The following ACOT1 variants were observed in gnomAD, a reference collection of about 807,000 sequenced individuals.
ACOT1 encodes acyl-coenzyme A thioesterase 1.
ACOT1 carries 8 observed loss-of-function variants against 15.7 expected under a neutral mutation model. The observed-to-expected ratio is 0.51, with a 90% CI of 0.30 to 0.92. ACOT1 has a LOEUF of 0.92. Ranked by LOEUF, ACOT1 falls within the 40% of genes least tolerant of loss-of-function variation. ACOT1 has a pLI of 0.06. For synonymous variants in ACOT1, 67 were observed against 241.2 expected (o/e 0.28, Z 6.69); for missense variants, 151 against 539.4 (o/e 0.28, Z 7.13).
Position 73,537,599 on chromosome 14 carries a change from C to G in ACOT1, c.178C>G (p.Leu60Val). 8.2e-7 allele frequency: 1 copy of G among 1,222,410 alleles called. No homozygotes were observed. Among genetic ancestry groups the G allele is most frequent in the Non-Finnish European group, 1.1e-6 (1 of 929,864 alleles). 75.7% of individuals were successfully genotyped at this position (1,222,410 alleles called of 1,614,324 possible). A position where few individuals can be genotyped will look rare whatever the true frequency, so the allele number is the denominator to read the frequency against. ...CTACCGCGCCGACACCCTTGGCGAG[C>G]TGGACCTGGAGCGCGCGCCCGCGCT... ...ARYRADTLGE[L>V]DLERAPALGG... The change falls in exon 1 of 3, where the codon CTG becomes GTG. Residue 60 changes from leucine to valine, a missense_variant. Leu to Val is a conservative substitution (Grantham distance 32, BLOSUM62 1). Coordinates refer to ENST00000311148, the MANE Select transcript of ACOT1 (RefSeq NM_001037161.2).
rs1340306606 is a variant in ACOT1, at chr14:73,537,471, A to C, written c.50A>C (p.Glu17Ala). The C allele has an allele frequency of 8.1e-7, 1 of 1,228,320 alleles. No homozygotes were observed. Among genetic ancestry groups the C allele is most frequent in the African/African-American group, 1.5e-5 (1 of 65,078 alleles). 76.1% of individuals were successfully genotyped at this position (1,228,320 alleles called of 1,614,324 possible). A position where few individuals can be genotyped will look rare whatever the true frequency, so the allele number is the denominator to read the frequency against. ...LEPAGRCCWDEPVRIAVRGLA... is the reference protein window; with the variant it reads ...LEPAGRCCWDAPVRIAVRGLA... Reference sequence around the variant, plus strand: ...CCCGCGGGCCGCTGCTGCTGGGACGAACCGGTGCGAATCGCCGTGCGCGGC... The same window carrying C: ...CCCGCGGGCCGCTGCTGCTGGGACGCACCGGTGCGAATCGCCGTGCGCGGC... The change falls in exon 1 of 3, where the codon GAA (glutamate) becomes GCA (alanine). Residue 17 changes from glutamate (E) to alanine (A), a missense_variant. Glu to Ala is a moderately radical substitution (Grantham distance 107, BLOSUM62 -1). Transcript: ENST00000311148.
In ACOT1 at chr14:73,542,267, G is replaced by A. The variant is rs1438386547; in HGVS notation, c.660+572G>A. On this transcript the variant is annotated intron_variant, in intron 2 of 2. Coordinates refer to ENST00000311148, the MANE Select transcript of ACOT1 (RefSeq NM_001037161.2). Reference sequence around the variant, plus strand: ...CCCACCTCGGCCTCCCAGAGTGCTGGAATTACAGGCATGAGCCACCACACC... The same window carrying A: ...CCCACCTCGGCCTCCCAGAGTGCTGAAATTACAGGCATGAGCCACCACACC... Among the ~76,000 whole-genome samples the A allele has an allele frequency of 1.8e-5, 2 of 109,512 alleles. 1 individual carries two copies. The highest frequency in any genetic ancestry group is 3.9e-5 in the Non-Finnish European group (2 of 51,112). 71.8% of individuals were successfully genotyped at this position (109,512 alleles called of 152,430 possible). A position where few individuals can be genotyped will look rare whatever the true frequency, so the allele number is the denominator to read the frequency against.
the ACOT1 span, chr14:73,509,509 C>T: frequency 6.2e-7 from 1 of 1,605,960 alleles, no homozygotes; most frequent in Non-Finnish European, 8.5e-7. Context: ...GAGTACTAGC[C>T]CCTTTGCTTT....
chr14:73,508,112 T>C, the ACOT1 span: 1 of 1,611,184 alleles, frequency 6.2e-7, no homozygotes, highest in Non-Finnish European at 8.5e-7. Context: ...AAACTGTGTC[T>C]GACCCGGTAA....
the ACOT1 span, among the ~76,000 whole-genome samples, chr14:73,517,762 GAAAGGAAGGAAAA>G: frequency 2.7e-5 from 4 of 150,540 alleles, no homozygotes; most frequent in South Asian, 4.2e-4. Flanking sequence ...AAGGGAGAAG[GAAAGGAAGGAAAA>G]AAAGGAAGGG....
the ACOT1 span, among the ~76,000 whole-genome samples, chr14:73,513,482 C>T: frequency 1.4e-5 from 2 of 146,046 alleles, no homozygotes; most frequent in Non-Finnish European, 3.0e-5. Flanking sequence ...AAAGGGCTGG[C>T]GCGGTGGCCA....
At chr14:73,535,259 A>T (rs181134410), upstream of ACOT1, among the ~76,000 whole-genome samples, 2 of 113,786 alleles carry the variant, frequency 1.8e-5, 1 homozygote, top group East Asian at 1.4e-3. Flanking sequence ...TGGAACTGTG[A>T]GTCAAAGAGA....
At chr14:73,492,113 A>T in the ACOT1 span, 1 of 1,613,876 alleles carries the variant, frequency 6.2e-7, no homozygotes, top group Non-Finnish European at 8.5e-7. This position sits in a 1 kb window ranked among gnomAD's most constrained non-coding sequence, Gnocchi z 4.9. Context: ...CCGAGTCCCA[A>T]CCGAGGAACT....
the ACOT1 span, chr14:73,509,479 A>G: frequency 6.2e-7 from 1 of 1,613,572 alleles, no homozygotes; most frequent in African/African-American, 1.3e-5. Flanking sequence ...CTTGTCTGTG[A>G]TCAAAAGAGC....
the ACOT1 span, among the ~76,000 whole-genome samples, chr14:73,526,681 AC>A: frequency 1.8e-4 from 27 of 152,094 alleles, no homozygotes; most frequent in Non-Finnish European, 3.8e-4. Context: ...TTCCAGACCT[AC>A]CCTGCGCCAG....
At chr14:73,491,056 C>A in the ACOT1 span, 11 of 1,589,984 alleles carry the variant, frequency 6.9e-6, no homozygotes, top group South Asian at 1.3e-4. Context: ...CGTTGAGGCG[C>A]GGGCGGCCGA....
the ACOT1 span, among the ~76,000 whole-genome samples, chr14:73,504,295 C>T: frequency 4.0e-5 from 6 of 149,902 alleles, no homozygotes; most frequent in East Asian, 3.9e-4. Context: ...CAGGCTGGGG[C>T]GCAGTGGTGC....
chr14:73,529,341 T>G, the ACOT1 span, among the ~76,000 whole-genome samples: 3 of 111,568 alleles, frequency 2.7e-5, no homozygotes, highest in East Asian at 2.5e-4. Flanking sequence ...GGCAACAGAG[T>G]GAGACTCTGT....
chr14:73,514,559 G>A, the ACOT1 span, among the ~76,000 whole-genome samples: 3,617 of 152,286 alleles, frequency 0.024, 153 homozygotes, highest in African/African-American at 0.083. Flanking sequence ...ATGTTTATAT[G>A]TAACGAGATT....
chr14:73,502,609 G>A, the ACOT1 span, among the ~76,000 whole-genome samples: 1 of 151,984 alleles, frequency 6.6e-6, no homozygotes, highest in South Asian at 2.1e-4. Flanking sequence ...GTGCAGTGGC[G>A]CGATCTCTGC....
chr14:73,523,015 C>T, the ACOT1 span: 2 of 1,613,988 alleles, frequency 1.2e-6, no homozygotes, highest in Admixed American at 1.7e-5. Flanking sequence ...AGACCATAGG[C>T]ACACTGGAGA....
chr14:73,509,114 G>A, the ACOT1 span, among the ~76,000 whole-genome samples: 4 of 152,190 alleles, frequency 2.6e-5, no homozygotes, highest in African/African-American at 7.2e-5. Context: ...TGATCCTGTC[G>A]CCTTGGCCTC....
At chr14:73,517,675 A>AG in the ACOT1 span, among the ~76,000 whole-genome samples, 2 of 150,120 alleles carry the variant, frequency 1.3e-5, no homozygotes, top group African/African-American at 4.9e-5. Context: ...CAAAAAAAAA[A>AG]AAAAAAGAAG....
chr14:73,537,834 C>T lies in ACOT1; in HGVS notation c.413C>T (p.Pro138Leu). The change falls in exon 1 of 3, where the codon CCG becomes CTG. Residue 138 changes from proline (P) to leucine (L), a missense_variant. Transcript: ENST00000311148. ...CTCCCGCCCGGGGTGCGGCGCGAGC[C>T]GGTGCGCGCGGGCCGGGTGCGAGGC... is the stretch of plus-strand genomic sequence containing the variant. ...YFLPPGVRRE[P>L]VRAGRVRGTL... The T allele has an allele frequency of 8.3e-7, 1 of 1,209,312 alleles. No individual in the cohort carries two copies. The highest frequency in any genetic ancestry group is 2.6e-4 in the Middle Eastern group (1 of 3,920). The allele number at this position is 1,209,312 out of a possible 1,614,324, so 74.9% of individuals were successfully genotyped here.
Sources: gnomAD v4.1 joint callset for allele counts (sites outside exome capture counted in the v4.1 genomes callset) on GRCh38, gnomAD v4.1.1 for gene constraint, Gnocchi (gnomAD v3.1) non-coding constraint, MANE v1.5 for transcripts, NCBI Gene and HGNC (gene_info 2026-07-23, HGNC 2026-07-21) for gene names.